Variants in MATCAP1 observed in about 807,000 individuals in gnomAD.
The protein encoded by MATCAP1 is microtubule associated tyrosine carboxypeptidase 1.
chr16:67,176,600 A>G, the MATCAP1 span: 2 of 438,334 alleles, frequency 4.6e-6, no homozygotes, highest in Admixed American at 4.3e-5. This position sits in a 1 kb window ranked among gnomAD's most constrained non-coding sequence, Gnocchi z 4.3. Flanking sequence ...TCAGTTTGCC[A>G]GACATGCTGC....
the MATCAP1 span, among the ~76,000 whole-genome samples, chr16:67,181,340 ACCC>A: frequency 1.3e-5 from 2 of 152,048 alleles, no homozygotes; most frequent in African/African-American, 4.8e-5. Context: ...TTACGCCGGT[ACCC>A]CCCAGAATGC....
At chr16:67,178,500 G>A in the MATCAP1 span, 3 of 1,524,732 alleles carry the variant, frequency 2.0e-6, no homozygotes, top group Non-Finnish European at 2.6e-6. Context: ...GCAGGTAGTG[G>A]GTGCCTGCGG....
At chr16:67,182,060 G>A in the MATCAP1 span, among the ~76,000 whole-genome samples, 1 of 152,146 alleles carries the variant, frequency 6.6e-6, no homozygotes, top group Non-Finnish European at 1.5e-5. Flanking sequence ...AGACCAGCCT[G>A]ACCAACATGG....
At chr16:67,179,856 T>C in the MATCAP1 span, 2 of 1,614,058 alleles carry the variant, frequency 1.2e-6, no homozygotes, top group Non-Finnish European at 1.7e-6. The surrounding 1 kb of genome is among the most constrained non-coding windows in gnomAD (Gnocchi z 5.2). Flanking sequence ...TTGCGCACAA[T>C]CGACCATATC....
the MATCAP1 span, chr16:67,179,328 G>A: frequency 6.6e-7 from 1 of 1,513,098 alleles, no homozygotes; most frequent in Non-Finnish European, 8.8e-7. The surrounding 1 kb of genome is among the most constrained non-coding windows in gnomAD (Gnocchi z 5.2). Flanking sequence ...AGGGAAGGGG[G>A]AGAAACAAAA....
At chr16:67,179,973 A>G in the MATCAP1 span, 29 of 1,614,014 alleles carry the variant, frequency 1.8e-5, no homozygotes, top group Middle Eastern at 1.6e-4. This position sits in a 1 kb window ranked among gnomAD's most constrained non-coding sequence, Gnocchi z 5.2. Flanking sequence ...ACACGGGGCC[A>G]CAGTGGCTGG....
the MATCAP1 span, chr16:67,178,170 C>G: frequency 6.5e-7 from 1 of 1,543,118 alleles, no homozygotes; most frequent in Non-Finnish European, 8.8e-7. Flanking sequence ...CACCCCGGCT[C>G]TAGGCACCTC....
At chr16:67,178,167 G>A in the MATCAP1 span, 1 of 1,447,830 alleles carries the variant, frequency 6.9e-7, no homozygotes, top group Non-Finnish European at 9.3e-7. Context: ...CCCCACCCCG[G>A]CTCTAGGCAC....
chr16:67,180,706 G>T, the MATCAP1 span: 1 of 877,614 alleles, frequency 1.1e-6, no homozygotes, highest in Non-Finnish European at 1.7e-6. Context: ...AGCATGAGTG[G>T]GTGTGACCAA....
chr16:67,178,555 GC>G, the MATCAP1 span: 1 of 1,444,630 alleles, frequency 6.9e-7, no homozygotes. Flanking sequence ...TCGGGGACCC[GC>G]CTGCGAGCCC....
the MATCAP1 span, chr16:67,181,715 A>C: frequency 3.3e-5 from 5 of 152,050 alleles, no homozygotes; most frequent in African/African-American, 9.7e-5. Context: ...AACAAAACAA[A>C]ACCCTCACTA....
At chr16:67,183,589 GC>G in the MATCAP1 span, 194 of 152,576 alleles carry the variant, frequency 1.3e-3, 1 homozygote, top group Non-Finnish European at 2.3e-3. Context: ...TGGGGGAGGA[GC>G]CCCCCACTAT....
chr16:67,182,662 T>G, the MATCAP1 span, among the ~76,000 whole-genome samples: 1 of 152,242 alleles, frequency 6.6e-6, no homozygotes, highest in Admixed American at 6.5e-5. Context: ...CTTGAATGTT[T>G]AATAGGCATA....
the MATCAP1 span, chr16:67,180,042 TGATG>T: frequency 6.2e-7 from 1 of 1,613,694 alleles, no homozygotes. Flanking sequence ...TGGACTGACC[TGATG>T]GATGAACTGT....
chr16:67,179,073 C>A, the MATCAP1 span: 1 of 1,170,620 alleles, frequency 8.5e-7, no homozygotes, highest in South Asian at 1.9e-5. The surrounding 1 kb of genome is among the most constrained non-coding windows in gnomAD (Gnocchi z 5.2). Flanking sequence ...TCCATCCACC[C>A]TGGAGGGCCA....
the MATCAP1 span, chr16:67,176,257 TG>T: frequency 6.5e-6 from 1 of 152,858 alleles, no homozygotes; most frequent in African/African-American, 2.4e-5. This position sits in a 1 kb window ranked among gnomAD's most constrained non-coding sequence, Gnocchi z 4.3. Context: ...AATAAATACA[TG>T]ACCAGTGAGA....
At chr16:67,179,514 C>T in the MATCAP1 span, 1 of 1,613,346 alleles carries the variant, frequency 6.2e-7, no homozygotes, top group Non-Finnish European at 8.5e-7. The surrounding 1 kb of genome is among the most constrained non-coding windows in gnomAD (Gnocchi z 5.2). Context: ...CTGTTCTCCA[C>T]CATCATCACT....
chr16:67,176,805 C>T, the MATCAP1 span: 18 of 1,574,092 alleles, frequency 1.1e-5, no homozygotes, highest in East Asian at 1.4e-4. The surrounding 1 kb of genome is among the most constrained non-coding windows in gnomAD (Gnocchi z 4.3). Context: ...CAGCCCTCAA[C>T]GGACATCAGT....
chr16:67,179,833 C>A, the MATCAP1 span: 1 of 1,614,250 alleles, frequency 6.2e-7, no homozygotes, highest in Non-Finnish European at 8.5e-7. The surrounding 1 kb of genome is among the most constrained non-coding windows in gnomAD (Gnocchi z 5.2). Context: ...CGCAGCCCTC[C>A]TTCTGCATGT....
Sources: allele counts gnomAD v4.1 joint callset (sites outside exome capture counted in the v4.1 genomes callset), GRCh38; gene constraint gnomAD v4.1.1; non-coding constraint Gnocchi (gnomAD v3.1); transcripts MANE v1.5; gene names NCBI Gene and HGNC (gene_info 2026-07-23, HGNC 2026-07-21).